C17orf78: variants seen among roughly 807,000 people sequenced by gnomAD.
C17orf78 encodes uncharacterized protein C17orf78.
C17orf78 carries 27 observed loss-of-function variants against 31.8 expected under a neutral mutation model. That is an observed-to-expected ratio of 0.85 (90% confidence interval 0.63 to 1.17). C17orf78 has a LOEUF of 1.17. C17orf78 is among the 50% of genes most tolerant of loss of function. The pLI, the probability that C17orf78 is intolerant of heterozygous loss-of-function variation, is 0.00. For missense variants in C17orf78, 258 were observed against 315.2 expected (o/e 0.82, Z 1.37); for synonymous variants, 106 against 115.1 (o/e 0.92, Z 0.51).
At chr17:37,387,686 T>A (rs139875184) in intron 4 of C17orf78, 1 of 152,084 alleles carries the variant, frequency 6.6e-6, no homozygotes, top group Non-Finnish European at 1.5e-5. Flanking sequence ...CCTCAAGTGA[T>A]CTACCCACCT....
chr17:37,382,263 C>T (rs996463608), intron 3 of C17orf78, among the ~76,000 whole-genome samples: 2 of 152,050 alleles, frequency 1.3e-5, no homozygotes, highest in South Asian at 2.1e-4. Context: ...TGCCTATTCC[C>T]CCACAGCTGC....
chr17:37,386,830 T>TC, intron 4 of C17orf78: 1 of 152,556 alleles, frequency 6.6e-6, no homozygotes, highest in Admixed American at 6.5e-5. Flanking sequence ...TTTTTCTTTT[T>TC]TTTTTTTTGA....
intron 4 of C17orf78, among the ~76,000 whole-genome samples, chr17:37,386,474 C>G (rs1174670807): frequency 6.6e-6 from 1 of 151,996 alleles, no homozygotes; most frequent in African/African-American, 2.4e-5. Flanking sequence ...TACCTGTAAC[C>G]CCAGCTACTT....
rs756551518 is a variant in C17orf78, at chr17:37,392,315, G to A, written c.*591G>A. 3 of 152,354 alleles carry A rather than the reference G, an allele frequency of 2.0e-5. No individual in the cohort carries two copies. Among genetic ancestry groups the A allele is most frequent in the Non-Finnish European group, 4.4e-5 (3 of 68,162 alleles). 9.4% of individuals were successfully genotyped at this position (152,354 alleles called of 1,614,324 possible). ...GGGACTACAGACCATTAGTACCCAA[G>A]TGAAGTCTTCTGACGATCCAGAATT... On this transcript the variant is annotated 3_prime_UTR_variant, in exon 7 of 7. Transcript: ENST00000615133.
intron 3 of C17orf78, among the ~76,000 whole-genome samples, chr17:37,381,771 G>T (rs1007997912): frequency 6.6e-6 from 1 of 151,622 alleles, no homozygotes; most frequent in Admixed American, 6.6e-5. Context: ...GGGACTACAG[G>T]CACTCGCCAC....
intron 2 of C17orf78, among the ~76,000 whole-genome samples, chr17:37,378,325 A>C (rs1285361817): frequency 6.6e-6 from 1 of 152,224 alleles, no homozygotes; most frequent in Non-Finnish European, 1.5e-5. Flanking sequence ...ATGAACACAA[A>C]CTGAAGAAGT....
intron 6 of C17orf78, 150 bp downstream of exon 6, chr17:37,389,512 C>T (rs1428194046): frequency 6.8e-6 from 8 of 1,181,396 alleles, no homozygotes; most frequent in Admixed American, 3.1e-5. Context: ...ACCAACATGA[C>T]GAAACCCTGT....
intron 5 of C17orf78, 24 bp from the exon 6 acceptor site, chr17:37,389,222 A>C: frequency 1.3e-6 from 2 of 1,559,894 alleles, no homozygotes; most frequent in Non-Finnish European, 1.7e-6. Context: ...CTTCATATTA[A>C]TACCAGTCAT....
chr17:37,383,903 T>C (rs891355699), intron 3 of C17orf78, among the ~76,000 whole-genome samples: 11 of 152,174 alleles, frequency 7.2e-5, no homozygotes, highest in African/African-American at 2.7e-4. Context: ...TTCTACAAGT[T>C]TGAAACTTCC....
At chr17:37,384,789 C>T (rs1243375431) in intron 3 of C17orf78, among the ~76,000 whole-genome samples, 1 of 152,180 alleles carries the variant, frequency 6.6e-6, no homozygotes, top group African/African-American at 2.4e-5. Context: ...ATCACCTCTT[C>T]CCCTATGATT....
At chr17:37,379,938 G>T (rs1343058996) in intron 3 of C17orf78, among the ~76,000 whole-genome samples, 1 of 148,700 alleles carries the variant, frequency 6.7e-6, no homozygotes, top group East Asian at 2.0e-4. Context: ...TATACCCAAA[G>T]GACTATAAAT....
In C17orf78 at chr17:37,377,941, A is replaced by G; in HGVS notation, c.121A>G (p.Ser41Gly). ...TGGGATCTTCCCAAAAGACGTGAGA[A>G]GCATCAGAGAATTGCAAATGCAAGG... ...LPGIFPKDVR[S>G]IRELQMQETH... Residue 41 changes from serine to glycine, a missense_variant, in exon 2 of 7, where the codon AGC becomes GGC. By Grantham distance (56) the Ser-to-Gly change is moderately conservative. Coordinates refer to ENST00000615133, the MANE Select transcript of C17orf78 (RefSeq NM_173625.5). 6.2e-7 allele frequency: 1 copy of G among 1,613,882 alleles called. No homozygotes were observed. The highest frequency in any genetic ancestry group is 1.3e-5 in the African/African-American group (1 of 75,050).
chr17:37,381,186 T>C (rs962518000), intron 3 of C17orf78, among the ~76,000 whole-genome samples: 7 of 151,972 alleles, frequency 4.6e-5, no homozygotes, highest in African/African-American at 7.3e-5. Flanking sequence ...TTTGTTGTTG[T>C]TGTTGTTGTT....
rs2050893340 is a variant in C17orf78 at position 37,391,690 on chromosome 17, C to T, written c.794C>T (p.Ala265Val). 6.2e-7 allele frequency: 1 copy of T among 1,613,776 alleles called. No homozygotes were observed. The highest frequency in any genetic ancestry group is 1.7e-5 in the Admixed American group (1 of 59,992). Residue 265 changes from alanine (A) to valine (V), a missense_variant, in exon 7 of 7, where the codon GCA (alanine) becomes GTA (valine). By Grantham distance (64) the Ala-to-Val change is moderately conservative (BLOSUM62 0). Coordinates refer to ENST00000615133, the MANE Select transcript of C17orf78 (RefSeq NM_173625.5). ...AANSSNPKKA[A>V]EITVIHQTYF ...AATTCATCAAACCCAAAGAAAGCTG[C>T]AGAGATCACTGTTATCCACCAGACA...
At position 37,392,479 on chromosome 17, in the gene C17orf78, T is replaced by C. The variant is rs1274958461; in HGVS notation, c.*755T>C. 6.6e-6 allele frequency: 1 copy of C among 152,142 alleles called. No homozygotes were observed. The highest frequency in any genetic ancestry group is 1.9e-4 in the East Asian group (1 of 5,192). The allele number at this position is 152,142 out of a possible 1,614,324, so 9.4% of individuals were successfully genotyped here. On this transcript the variant is annotated 3_prime_UTR_variant, in exon 7 of 7. Coordinates refer to ENST00000615133, the MANE Select transcript of C17orf78 (RefSeq NM_173625.5). Reference sequence around the variant, plus strand: ...ATGAGTCAAATCTAACCTGCTTAAATAAGAGTTTGGTGAGAAAGTGAAACC... The same window carrying C: ...ATGAGTCAAATCTAACCTGCTTAAACAAGAGTTTGGTGAGAAAGTGAAACC...
chr17:37,390,031 A>G (rs896349333), intron 6 of C17orf78, among the ~76,000 whole-genome samples: 1 of 144,538 alleles, frequency 6.9e-6, no homozygotes, highest in African/African-American at 2.6e-5. Context: ...CATGCCTGCA[A>G]TCCCAGTGCT....
Position 37,384,479 on chromosome 17 carries a change from C to T in C17orf78, c.392-1530C>T, listed in dbSNP as rs73984215. 5.0e-3 allele frequency among the ~76,000 whole-genome samples: 758 copies of T among 152,092 alleles called. 7 individuals carry two copies. Among genetic ancestry groups the T allele is most frequent in the African/African-American group, 0.018 (734 of 41,508 alleles). Reference sequence around the variant, plus strand: ...CAAAGTGTTTACACACATGCTTTCTCATTTTTATTTGTTTCTGATCTTCAC... The same window carrying T: ...CAAAGTGTTTACACACATGCTTTCTTATTTTTATTTGTTTCTGATCTTCAC... On this transcript the variant is annotated intron_variant, in intron 3 of 6. Transcript: ENST00000615133.
Position 37,390,175 on chromosome 17 carries a change from T to TATATATATATAC in C17orf78, c.750+814_750+815insTATATATATACA, listed in dbSNP as rs60788220. Among the ~76,000 whole-genome samples the TATATATATATAC allele has an allele frequency of 8.5e-4, 38 of 44,506 alleles. 1 individual carries two copies. The highest frequency in any genetic ancestry group is 3.6e-3 in the African/African-American group (31 of 8,586). 29.2% of individuals were successfully genotyped at this position (44,506 alleles called of 152,430 possible). A position where few individuals can be genotyped will look rare whatever the true frequency, so the allele number is the denominator to read the frequency against. The stretch of plus-strand genomic sequence containing the variant: ...ATATATATATATATATATATATATA[T>TATATATATATAC]ACACACACACATTATATATAAATAT... On this transcript the variant is annotated intron_variant, in intron 6 of 6. Coordinates refer to ENST00000615133, the MANE Select transcript of C17orf78 (RefSeq NM_173625.5).
chr17:37,391,578 T>C, intron 6 of C17orf78, 69 bp from the exon 7 acceptor site: 1 of 1,450,456 alleles, frequency 6.9e-7, no homozygotes, highest in South Asian at 1.1e-5. Flanking sequence ...AGCCAGCCCT[T>C]TTCTTGGTAC....
Sources: allele counts gnomAD v4.1 joint callset (sites outside exome capture counted in the v4.1 genomes callset), GRCh38; gene constraint gnomAD v4.1.1; transcripts MANE v1.5; gene names NCBI Gene and HGNC (gene_info 2026-07-23, HGNC 2026-07-21).